The following ATP6V1H variants were observed in gnomAD, a reference collection of about 807,000 sequenced individuals.
The protein encoded by ATP6V1H is V-type proton ATPase subunit H.
Under a neutral mutation model 71.7 loss-of-function variants are expected in ATP6V1H, and 39 were observed. That is an observed-to-expected ratio of 0.54 (90% CI 0.42 to 0.71). The LOEUF is 0.71. Among genes scored for constraint, ATP6V1H ranks in the 30% least tolerant of loss-of-function variants. The probability of loss-of-function intolerance (pLI) is 0.00; values close to 1 mark genes in which losing one functional copy is unlikely to be tolerated. For missense variants in ATP6V1H, 509 were observed against 594.9 expected (o/e 0.86, Z 1.50); for synonymous variants, 192 against 199.3 (o/e 0.96, Z 0.31).
intron 9 of ATP6V1H, among the ~76,000 whole-genome samples, chr8:53,787,091 T>C (rs940086183): frequency 2.6e-5 from 4 of 152,240 alleles, no homozygotes; most frequent in Admixed American, 2.6e-4. Flanking sequence ...TTTCACTTTC[T>C]GTACTTATCC....
At chr8:53,828,894 T>C (rs982652287) in intron 4 of ATP6V1H, among the ~76,000 whole-genome samples, 1 of 152,124 alleles carries the variant, frequency 6.6e-6, no homozygotes, top group Non-Finnish European at 1.5e-5. Flanking sequence ...TAGATTATAC[T>C]CTAGTGTAAA....
chr8:53,728,741 A>AG (rs1348663518), intron 13 of ATP6V1H, among the ~76,000 whole-genome samples: 1 of 152,256 alleles, frequency 6.6e-6, no homozygotes, highest in Non-Finnish European at 1.5e-5. Flanking sequence ...CACATGGGTC[A>AG]GCTCCTGCTT....
In ATP6V1H at chr8:53,731,228, C is replaced by T. The variant is rs924033448; in HGVS notation, c.1391+12349G>A. 3.3e-5 allele frequency among the ~76,000 whole-genome samples: 5 copies of T among 152,234 alleles called. 2 individuals are homozygous for T. The East Asian group carries it at 9.7e-4, about 29-fold the overall frequency. On this transcript the variant is annotated intron_variant, in intron 13 of 13. Transcript: ENST00000359530. ...TAACACCTCTAGCACTGCCTGATCC[C>T]GCCTGTTCCCAAGCTCCTGTGACAC...
chr8:53,749,385 G>C (rs1284072888), intron 12 of ATP6V1H, among the ~76,000 whole-genome samples: 1 of 152,132 alleles, frequency 6.6e-6, no homozygotes, highest in Non-Finnish European at 1.5e-5. Flanking sequence ...GTACTCGAGG[G>C]CTGGCCAGGC....
chr8:53,764,721 C>G (rs1808390212), intron 11 of ATP6V1H, among the ~76,000 whole-genome samples: 2 of 152,136 alleles, frequency 1.3e-5, no homozygotes, highest in South Asian at 4.1e-4. Context: ...ATAATTACAG[C>G]AAAGTCGCAG....
At chr8:53,747,947 C>G (rs1290512947) in intron 12 of ATP6V1H, among the ~76,000 whole-genome samples, 2 of 151,662 alleles carry the variant, frequency 1.3e-5, no homozygotes, top group Non-Finnish European at 2.9e-5. Flanking sequence ...GGGTGGATCA[C>G]CTGAGGTCAG....
At chr8:53,718,619 G>A (rs1806509819) in intron 13 of ATP6V1H, among the ~76,000 whole-genome samples, 1 of 151,988 alleles carries the variant, frequency 6.6e-6, no homozygotes, top group Non-Finnish European at 1.5e-5. Context: ...CTAACTCCTG[G>A]GCTTTAGTGA....
Position 53,780,588 on chromosome 8 carries a change from C to T in ATP6V1H, c.871-8421G>A, listed in dbSNP as rs545538543. 2.2e-3 allele frequency among the ~76,000 whole-genome samples: 337 copies of T among 151,794 alleles called. 1 individual carries two copies. The highest frequency in any genetic ancestry group is 7.8e-3 in the African/African-American group (323 of 41,368). ...TAAGTTTTAGGGTACATGTGCACAA[C>T]GTGCAGGTGTGTTACATATGTAGCC... On this transcript the variant is annotated intron_variant, in intron 9 of 13. Coordinates refer to ENST00000359530, the MANE Select transcript of ATP6V1H (RefSeq NM_015941.4).
intron 7 of ATP6V1H, chr8:53,806,697 T>C (rs1810087832): frequency 2.7e-6 from 1 of 367,810 alleles, no homozygotes; most frequent in Admixed American, 3.2e-5. Flanking sequence ...GTGCTATACT[T>C]TGAAAATGAC....
chr8:53,772,049 T>C lies in ATP6V1H; in HGVS notation c.989A>G (p.Asp330Gly). The change falls in exon 10 of 14, where the codon GAT (aspartate) becomes GGT (glycine). Residue 330 changes from aspartate to glycine, a missense_variant. Transcript: ENST00000359530. The stretch of plus-strand genomic sequence containing the variant: ...AAGAAATTTGATATCTTCGCTGATA[T>C]CTTCATCATCGTACTTCTGCTGTTC... ...NLEQQKYDDE[D>G]ISEDIKFLLE... is the part of the protein sequence containing the mutation. 3.7e-6 allele frequency: 6 copies of C among 1,614,144 alleles called. No homozygotes were observed. The highest frequency in any genetic ancestry group is 4.2e-6 in the Non-Finnish European group (5 of 1,179,992).
At chr8:53,833,145 A>G in intron 2 of ATP6V1H, 59 bp from the exon 3 acceptor site, 5 of 1,399,330 alleles carry the variant, frequency 3.6e-6, no homozygotes, top group Non-Finnish European at 4.0e-6. Context: ...AGCAAGCGAT[A>G]GAGGAATTTT....
At chr8:53,717,144 G>A (rs992275946) in intron 13 of ATP6V1H, among the ~76,000 whole-genome samples, 13 of 152,224 alleles carry the variant, frequency 8.5e-5, no homozygotes, top group African/African-American at 3.1e-4. Flanking sequence ...ATGTACACAG[G>A]TAAATATGAC....
chr8:53,781,659 T>G, intron 9 of ATP6V1H, among the ~76,000 whole-genome samples: 1 of 150,816 alleles, frequency 6.6e-6, no homozygotes, highest in African/African-American at 2.4e-5. Context: ...TCTTCTAGGG[T>G]TTTTATGGTT....
chr8:53,805,614 T>C (rs774545151), intron 7 of ATP6V1H, among the ~76,000 whole-genome samples: 11 of 152,174 alleles, frequency 7.2e-5, no homozygotes, highest in South Asian at 2.1e-4. Flanking sequence ...AAAACTAAAT[T>C]TACATACATC....
chr8:53,722,581 G>C (rs1806662021), intron 13 of ATP6V1H, among the ~76,000 whole-genome samples: 1 of 152,062 alleles, frequency 6.6e-6, no homozygotes, highest in African/African-American at 2.4e-5. Context: ...GAAAGACTGA[G>C]AGCGTATGAC....
intron 12 of ATP6V1H, among the ~76,000 whole-genome samples, chr8:53,751,982 C>A (rs1042498457): frequency 6.6e-6 from 1 of 152,132 alleles, no homozygotes. Context: ...AAGATCATTT[C>A]TATCACCTTA....
intron 7 of ATP6V1H, among the ~76,000 whole-genome samples, chr8:53,807,977 A>T (rs1810144761): frequency 6.6e-6 from 1 of 152,228 alleles, no homozygotes; most frequent in Non-Finnish European, 1.5e-5. Context: ...TCTACTGGAC[A>T]TGGATTGCTC....
intron 12 of ATP6V1H, among the ~76,000 whole-genome samples, chr8:53,747,579 G>A (rs1219099231): frequency 3.5e-5 from 5 of 144,486 alleles, no homozygotes; most frequent in African/African-American, 2.6e-5. Context: ...TCGCTCCATT[G>A]CCCAGGCTGG....
intron 13 of ATP6V1H, among the ~76,000 whole-genome samples, chr8:53,728,088 T>G (rs1806881233): frequency 6.6e-6 from 1 of 152,210 alleles, no homozygotes; most frequent in Non-Finnish European, 1.5e-5. Flanking sequence ...CCTTTGAACT[T>G]GCCACGCAGC....
Sources: allele counts gnomAD v4.1 joint callset (sites outside exome capture counted in the v4.1 genomes callset), GRCh38; gene constraint gnomAD v4.1.1; transcripts MANE v1.5; gene names NCBI Gene and HGNC (gene_info 2026-07-23, HGNC 2026-07-21).